Variants in NOTO observed in about 807,000 individuals in gnomAD.
The protein encoded by NOTO is homeobox protein notochord.
In NOTO, 19 loss-of-function variants were observed where a neutral mutation model predicts 20.5. The observed-to-expected ratio is 0.93, with a 90% confidence interval of 0.65 to 1.36. The LOEUF is 1.36. Ranked by LOEUF, NOTO falls within the 40% of genes most tolerant of loss-of-function variation. NOTO has a pLI of 0.00. For missense variants in NOTO, 369 were observed against 336.2 expected (o/e 1.10, Z -0.76); for synonymous variants, 150 against 150.2 (o/e 1.00, Z 0.01).
chr2:73,209,978 TTCTC>T (rs1686155523), intron 2 of NOTO, among the ~76,000 whole-genome samples: 2 of 152,104 alleles, frequency 1.3e-5, no homozygotes, highest in Admixed American at 1.3e-4. Context: ...GTGGCTTCAC[TTCTC>T]TCTGTCACCC....
intron 1 of NOTO, 54 bp from the exon 2 acceptor site, chr2:73,208,346 T>C: frequency 7.7e-7 from 1 of 1,293,444 alleles, no homozygotes; most frequent in Non-Finnish European, 1.1e-6. Flanking sequence ...AGGGGGCTTC[T>C]GGCTAACCTC....
At chr2:73,205,776 C>T (rs535792037) in intron 1 of NOTO, among the ~76,000 whole-genome samples, 1 of 152,222 alleles carries the variant, frequency 6.6e-6, no homozygotes, top group East Asian at 1.9e-4. Flanking sequence ...GCAGGGACCA[C>T]AGGCATGCGC....
At chr2:73,210,021 C>T (rs184873152) in intron 2 of NOTO, among the ~76,000 whole-genome samples, 1 of 152,284 alleles carries the variant, frequency 6.6e-6, no homozygotes, top group East Asian at 1.9e-4. Flanking sequence ...CTCCCGGGGC[C>T]GCTGCAGTAG....
Position 73,202,678 on chromosome 2 carries a change from C to T in NOTO, c.12C>T (p.Pro4=), listed in dbSNP as rs1225842946. 1 of 1,492,384 alleles carries T rather than the reference C, an allele frequency of 6.7e-7. No homozygotes were observed. The highest frequency in any genetic ancestry group is 8.9e-7 in the Non-Finnish European group (1 of 1,128,822). The allele number at this position is 1,492,384 out of a possible 1,614,324, so 92.4% of individuals were successfully genotyped here. The change falls in exon 1 of 3, where the codon CCC becomes CCT. Residue 4 remains proline (P), a synonymous_variant. Transcript: ENST00000398468. MPS[P]RPRGSPPPAP... ...GCAACGGCCGCGTCATGCCTAGCCC[C>T]AGGCCGCGAGGCAGCCCGCCACCCG...
At chr2:73,204,007 G>A (rs1462426904) in intron 1 of NOTO, among the ~76,000 whole-genome samples, 1 of 103,966 alleles carries the variant, frequency 9.6e-6, no homozygotes, top group African/African-American at 5.1e-5. Flanking sequence ...GCTGAGGCAG[G>A]AGAATGGCGT....
intron 2 of NOTO, among the ~76,000 whole-genome samples, chr2:73,210,046 T>G (rs1686156864): frequency 6.6e-6 from 1 of 152,158 alleles, no homozygotes; most frequent in Non-Finnish European, 1.5e-5. Context: ...CCTCCTGTCT[T>G]CCTGCTTCTG....
Position 73,203,059 on chromosome 2 carries a change from C to A in NOTO, c.382+11C>A. ...GCTTCGGCGTCACAGGTACTGCGGT[C>A]CCGGCGCCCGCACGCGGGGGACTGG... On this transcript the variant is annotated intron_variant, in intron 1 of 2. Coordinates refer to ENST00000398468, the MANE Select transcript of NOTO (RefSeq NM_001134462.2). 2.2e-6 allele frequency: 3 copies of A among 1,373,642 alleles called. No individual in the cohort carries two copies. Among genetic ancestry groups the A allele is most frequent in the South Asian group, 1.7e-5 (1 of 58,594 alleles). The allele number at this position is 1,373,642 out of a possible 1,614,324, so 85.1% of individuals were successfully genotyped here.
intron 1 of NOTO, among the ~76,000 whole-genome samples, chr2:73,206,345 G>A (rs1158820071): frequency 6.6e-6 from 1 of 152,036 alleles, no homozygotes; most frequent in Admixed American, 6.6e-5. Context: ...TGTTTTTGTT[G>A]TTGTGGTAGT....
chr2:73,209,484 A>G (rs1686138519), intron 2 of NOTO, among the ~76,000 whole-genome samples: 1 of 151,814 alleles, frequency 6.6e-6, no homozygotes, highest in Non-Finnish European at 1.5e-5. Context: ...AGCTCAGTCC[A>G]CCACTCAGCA....
Position 73,202,610 on chromosome 2 carries a change from A to C in NOTO, c.-57A>C. ...GGTCTTGCTCGCTGCCTTTTGCAGAATCTTCTCACTTCTCCCGAGCTCCCT... is the reference window on the plus strand; with the variant it reads ...GGTCTTGCTCGCTGCCTTTTGCAGACTCTTCTCACTTCTCCCGAGCTCCCT... On this transcript the variant is annotated 5_prime_UTR_variant, in exon 1 of 3. Coordinates refer to ENST00000398468, the MANE Select transcript of NOTO (RefSeq NM_001134462.2). 2 of 1,386,880 alleles carry C rather than the reference A, an allele frequency of 1.4e-6. No individual in the cohort carries two copies. Among genetic ancestry groups the C allele is most frequent in the Non-Finnish European group, 1.9e-6 (2 of 1,075,906 alleles). 85.9% of individuals were successfully genotyped at this position (1,386,880 alleles called of 1,614,324 possible).
Position 73,203,048 on chromosome 2 carries a change from G to T in NOTO, c.382G>T (p.Gly128Trp). The part of the protein sequence containing the change: ...VCGLLGFGVT[G>W]LELAHCSGLW... ...CGGCCTGCTGGGCTTCGGCGTCACA[G>T]GTACTGCGGTCCCGGCGCCCGCACG... Residue 128 changes from glycine to tryptophan, a missense_variant and splice_region_variant, in exon 1 of 3, where the codon GGG becomes TGG. By Grantham distance (184) the Gly-to-Trp change is radical (BLOSUM62 -2). Transcript: ENST00000398468. 2.9e-6 allele frequency: 4 copies of T among 1,380,688 alleles called. No homozygotes were observed. The highest frequency in any genetic ancestry group is 3.7e-6 in the Non-Finnish European group (4 of 1,072,332). The allele number at this position is 1,380,688 out of a possible 1,614,324, so 85.5% of individuals were successfully genotyped here.
At chr2:73,203,161 CGGCTGG>C in intron 1 of NOTO, 113 bp downstream of exon 1, 2 of 935,274 alleles carry the variant, frequency 2.1e-6, no homozygotes, top group South Asian at 2.7e-5. Context: ...GAATCACACA[CGGCTGG>C]AGTGGGAAGG....
chr2:73,206,913 G>A (rs556875960), intron 1 of NOTO, among the ~76,000 whole-genome samples: 1 of 148,804 alleles, frequency 6.7e-6, no homozygotes, highest in African/African-American at 2.5e-5. Context: ...TCCTGCCTCA[G>A]CCTCCTGAGT....
Position 73,202,651 on chromosome 2 carries a change from G to C in NOTO, c.-16G>C. ...CGAGCTCCCTTCCTTGCGTCCGTCCGGGCAACGGCCGCGTCATGCCTAGCC... is the reference window on the plus strand; with the variant it reads ...CGAGCTCCCTTCCTTGCGTCCGTCCCGGCAACGGCCGCGTCATGCCTAGCC... On this transcript the variant is annotated 5_prime_UTR_variant, in exon 1 of 3. Transcript: ENST00000398468. 1 of 1,435,394 alleles carries C rather than the reference G, an allele frequency of 7.0e-7. No homozygotes were observed. Among genetic ancestry groups the C allele is most frequent in the South Asian group, 1.4e-5 (1 of 70,144 alleles). 88.9% of individuals were successfully genotyped at this position (1,435,394 alleles called of 1,614,324 possible). A position where few individuals can be genotyped will look rare whatever the true frequency, so the allele number is the denominator to read the frequency against.
In NOTO at chr2:73,211,163, C is replaced by G. The variant is rs144035887; in HGVS notation, c.*234C>G. The G allele has an allele frequency of 1.2e-5, 6 of 482,644 alleles. No individual in the cohort carries two copies. In the East Asian group the frequency reaches 1.7e-4, roughly 14 times the overall value. 29.9% of individuals were successfully genotyped at this position (482,644 alleles called of 1,614,324 possible). ...TTGGCCAACCTATGGAACTTCCGAG[C>G]CTTTTTTCTTTATCTGTATAATGGG... On this transcript the variant is annotated 3_prime_UTR_variant, in exon 3 of 3. Coordinates refer to ENST00000398468, the MANE Select transcript of NOTO (RefSeq NM_001134462.2).
Position 73,208,508 on chromosome 2 carries a change from A to G in NOTO, c.491A>G (p.Asn164Ser), listed in dbSNP as rs1686120197. 6.4e-7 allele frequency: 1 copy of G among 1,551,488 alleles called. No homozygotes were observed. Among genetic ancestry groups the G allele is most frequent in the Non-Finnish European group, 8.7e-7 (1 of 1,146,910 alleles). Residue 164 changes from asparagine (N) to serine (S), a missense_variant, in exon 2 of 3, where the codon AAC becomes AGC. Coordinates refer to ENST00000398468, the MANE Select transcript of NOTO (RefSeq NM_001134462.2). ...CAAAAGAGAGTCCGAACTATGTTTA[A>G]CTTGGAGCAGCTGGAAGAGTTGGAG... ...RQQKRVRTMF[N>S]LEQLEELEKV... is the part of the protein sequence containing the mutation.
intron 2 of NOTO, among the ~76,000 whole-genome samples, chr2:73,208,997 C>T (rs1183245882): frequency 6.6e-6 from 1 of 151,784 alleles, no homozygotes; most frequent in African/African-American, 2.4e-5. Flanking sequence ...CCAGCCCAGC[C>T]AACATAGTGA....
chr2:73,208,784 T>G (rs936504645), intron 2 of NOTO, among the ~76,000 whole-genome samples, 170 bp downstream of exon 2: 8 of 151,602 alleles, frequency 5.3e-5, no homozygotes, highest in Admixed American at 5.3e-4. Context: ...AAAAAAAAAG[T>G]CCCATTTGAA....
rs1204656821 is a variant in NOTO at position 73,208,531 on chromosome 2, G to A, written c.514G>A (p.Glu172Lys). The A allele has an allele frequency of 1.0e-5, 16 of 1,551,546 alleles. No homozygotes were observed. The Admixed American group carries it at 2.7e-4, about 27-fold the overall frequency. Residue 172 changes from glutamate (E) to lysine (K), a missense_variant, in exon 2 of 3, where the codon GAG becomes AAG. Transcript: ENST00000398468. ...MFNLEQLEEL[E>K]KVFAKQHNLV... ...TAACTTGGAGCAGCTGGAAGAGTTG[G>A]AGAAAGTGTTTGCAAAACAGCACAA...
Sources: gnomAD v4.1 joint callset for allele counts (sites outside exome capture counted in the v4.1 genomes callset) on GRCh38, gnomAD v4.1.1 for gene constraint, MANE v1.5 for transcripts, NCBI Gene and HGNC (gene_info 2026-07-23, HGNC 2026-07-21) for gene names.